Variants in CNTN6 observed in about 807,000 individuals in gnomAD.
CNTN6 encodes the protein contactin 6.
CNTN6 carries 137 observed loss-of-function variants against 122.8 expected under a neutral mutation model. The observed-to-expected ratio is 1.12, with a 90% CI of 0.97 to 1.29. The LOEUF (loss-of-function observed/expected upper bound fraction) is 1.29, where lower values mean the gene tolerates loss of function less well. Ranked by LOEUF, CNTN6 falls within the 50% of genes most tolerant of loss-of-function variation. The pLI, the probability that CNTN6 is intolerant of heterozygous loss-of-function variation, is 0.00. For synonymous variants in CNTN6, 570 were observed against 426.0 expected, an observed-to-expected ratio of 1.34 and a Z score of -4.16; for missense variants, 1,634 against 1,223.4, an observed-to-expected ratio of 1.34 and a Z score of -5.01.
intron 11 of CNTN6, among the ~76,000 whole-genome samples, chr3:1,341,021 G>C (rs78419999): frequency 0.019 from 2,863 of 152,070 alleles, 109 homozygotes; most frequent in African/African-American, 0.065. Context: ...AAACTTCAAA[G>C]CCCTGAGGAA....
chr3:1,143,750 T>C (rs562851087), intron 1 of CNTN6, among the ~76,000 whole-genome samples: 1 of 152,326 alleles, frequency 6.6e-6, no homozygotes, highest in Non-Finnish European at 1.5e-5. Flanking sequence ...GAATGCCAAA[T>C]AAAACATCTT....
At chr3:1,157,880 T>G (rs2093011924) in intron 2 of CNTN6, among the ~76,000 whole-genome samples, 1 of 152,222 alleles carries the variant, frequency 6.6e-6, no homozygotes, top group African/African-American at 2.4e-5. Context: ...CCACATTTTC[T>G]TTATCAATTT....
chr3:1,292,761 T>G (rs1695537159), intron 5 of CNTN6, among the ~76,000 whole-genome samples: 1 of 152,134 alleles, frequency 6.6e-6, no homozygotes, highest in Non-Finnish European at 1.5e-5. Flanking sequence ...ACACAAAAAA[T>G]GCATAGCAAT....
chr3:1,114,985 C>T (rs558401522), intron 1 of CNTN6, among the ~76,000 whole-genome samples: 7 of 152,208 alleles, frequency 4.6e-5, no homozygotes, highest in African/African-American at 1.7e-4. Context: ...GAAAGTCTGT[C>T]ACTTAGACCT....
At chr3:1,094,825 C>T (rs1490285002) in intron 1 of CNTN6, among the ~76,000 whole-genome samples, 1 of 151,524 alleles carries the variant, frequency 6.6e-6, no homozygotes, top group African/African-American at 2.4e-5. Flanking sequence ...CTTTTAAATT[C>T]TTTTATGTGA....
chr3:1,109,297 A>C (rs2091368650), intron 1 of CNTN6, among the ~76,000 whole-genome samples: 2 of 152,098 alleles, frequency 1.3e-5, no homozygotes, highest in African/African-American at 4.8e-5. Context: ...TTCATTCTCA[A>C]AAACTCAATG....
At chr3:1,188,609 C>G (rs957957287) in intron 2 of CNTN6, among the ~76,000 whole-genome samples, 2 of 152,104 alleles carry the variant, frequency 1.3e-5, no homozygotes, top group East Asian at 1.9e-4. Context: ...AATGCCTGCT[C>G]TTTCAACAAA....
At chr3:1,238,390 C>A (rs531002232) in intron 4 of CNTN6, among the ~76,000 whole-genome samples, 2 of 152,180 alleles carry the variant, frequency 1.3e-5, no homozygotes, top group African/African-American at 4.8e-5. Context: ...AGGAAAATAT[C>A]ACAGTTCTAA....
At chr3:1,202,566 A>C (rs1021869193) in intron 2 of CNTN6, among the ~76,000 whole-genome samples, 2 of 150,668 alleles carry the variant, frequency 1.3e-5, no homozygotes, top group Admixed American at 1.3e-4. Context: ...AAATAAATAA[A>C]TAAATAAATA....
intron 1 of CNTN6, among the ~76,000 whole-genome samples, chr3:1,135,859 G>A (rs2092458739): frequency 6.6e-6 from 1 of 152,110 alleles, no homozygotes; most frequent in Admixed American, 6.6e-5. Flanking sequence ...GGGCACGGTG[G>A]TGAGCGCCTG....
intron 1 of CNTN6, among the ~76,000 whole-genome samples, chr3:1,098,789 C>CACATATATATATATAT (rs1211008614): frequency 1.2e-3 from 77 of 63,226 alleles, no homozygotes; most frequent in East Asian, 2.0e-3. Context: ...CACACACACA[C>CACATATATATATATAT]ATATATATAT....
intron 4 of CNTN6, among the ~76,000 whole-genome samples, chr3:1,277,417 T>C (rs3843385): frequency 0.84 from 118,908 of 142,186 alleles, 49,990 homozygotes; most frequent in African/African-American, 0.9. Context: ...TGGAGTACAG[T>C]GGCGCAATCT....
chr3:1,389,368 A>AT (rs1693737125), intron 20 of CNTN6, among the ~76,000 whole-genome samples: 1 of 152,066 alleles, frequency 6.6e-6, no homozygotes, highest in Non-Finnish European at 1.5e-5. Context: ...ATGCTGAGAG[A>AT]TTTTGTCACC....
chr3:1,262,628 C>G lies in CNTN6; in HGVS notation c.359-15785C>G, dbSNP rs564123860. Among the ~76,000 whole-genome samples, 4 of 152,066 alleles carry G rather than the reference C, an allele frequency of 2.6e-5. No individual in the cohort carries two copies. In the East Asian group the frequency reaches 7.7e-4, roughly 29 times the overall value. On this transcript the variant is annotated intron_variant, in intron 4 of 22. Coordinates refer to ENST00000446702, the MANE Select transcript of CNTN6 (RefSeq NM_001289080.2). ...TCATTGTAGCAGAAATTGAAATGAA[C>G]TAGAAAATCAACCAGTTGGTCGTTT... is the stretch of plus-strand genomic sequence containing the variant.
intron 19 of CNTN6, among the ~76,000 whole-genome samples, chr3:1,385,160 C>T (rs569276177): frequency 2.1e-3 from 321 of 151,684 alleles, no homozygotes; most frequent in Non-Finnish European, 3.7e-3. Context: ...GTACCTAAAA[C>T]AATGCTAATG....
At chr3:1,376,750 A>C (rs1224891725) in intron 16 of CNTN6, among the ~76,000 whole-genome samples, 3 of 152,276 alleles carry the variant, frequency 2.0e-5, no homozygotes, top group African/African-American at 7.2e-5. Flanking sequence ...ATGATGCATA[A>C]TGATGTCAAA....
intron 1 of CNTN6, among the ~76,000 whole-genome samples, chr3:1,107,712 TGG>T (rs2091290677): frequency 6.6e-6 from 1 of 152,012 alleles, no homozygotes; most frequent in Admixed American, 6.6e-5. Context: ...TCAGCTCTCA[TGG>T]TAGGTGCTAA....
chr3:1,158,969 C>CATATATATATATATATATAT (rs147254743), intron 2 of CNTN6, among the ~76,000 whole-genome samples: 2 of 112,958 alleles, frequency 1.8e-5, no homozygotes, highest in Non-Finnish European at 3.6e-5. Flanking sequence ...CACACACACA[C>CATATATATATATATATATAT]ATATATATAT....
chr3:1,266,478 A>T (rs1009027028), intron 4 of CNTN6, among the ~76,000 whole-genome samples: 2 of 152,184 alleles, frequency 1.3e-5, no homozygotes, highest in African/African-American at 4.8e-5. Flanking sequence ...GGAAGTCTTT[A>T]AAAAAATGTT....
Sources: gnomAD v4.1 joint callset for allele counts (sites outside exome capture counted in the v4.1 genomes callset) on GRCh38, gnomAD v4.1.1 for gene constraint, MANE v1.5 for transcripts, NCBI Gene and HGNC (gene_info 2026-07-23, HGNC 2026-07-21) for gene names.